Variants in FAM107B observed in about 807,000 individuals in gnomAD.
FAM107B encodes family with sequence similarity 107 member B, also known as protein FAM107B.
In FAM107B, 21 loss-of-function variants were observed where a neutral mutation model predicts 31.5. The ratio of observed to expected loss-of-function variants is 0.67; its 90% confidence interval spans 0.47 to 0.96. FAM107B has a LOEUF of 0.96. FAM107B is among the 40% of genes least tolerant of loss of function. FAM107B has a pLI of 0.00. For missense variants in FAM107B, 452 were observed against 377.1 expected (o/e 1.20, Z -1.64); for synonymous variants, 157 against 141.5 (o/e 1.11, Z -0.78).
intron 1 of FAM107B, among the ~76,000 whole-genome samples, chr10:14,720,214 T>G (rs762810832): frequency 2.0e-5 from 3 of 152,194 alleles, no homozygotes; most frequent in Non-Finnish European, 4.4e-5. Context: ...CCCTTCCAAC[T>G]GGTACTCCTG....
At chr10:14,643,535 G>A (rs555354002) in intron 2 of FAM107B, among the ~76,000 whole-genome samples, 1 of 151,530 alleles carries the variant, frequency 6.6e-6, no homozygotes, top group African/African-American at 2.4e-5. Flanking sequence ...TCAGCCTCCA[G>A]AGCAGATGGG....
At chr10:14,714,049 G>C (rs2131541711) in intron 1 of FAM107B, among the ~76,000 whole-genome samples, 1 of 152,180 alleles carries the variant, frequency 6.6e-6, no homozygotes, top group East Asian at 1.9e-4. Flanking sequence ...GTGGGAGGAA[G>C]GTGAGGATAA....
intron 2 of FAM107B, among the ~76,000 whole-genome samples, chr10:14,630,278 T>TA (rs10525721): frequency 0.42 from 56,253 of 134,364 alleles, 12,328 homozygotes; most frequent in East Asian, 0.8. Context: ...CTACTGATGC[T>TA]AAAAAAAAAA....
intron 2 of FAM107B, among the ~76,000 whole-genome samples, chr10:14,560,760 G>C (rs570772870): frequency 2.2e-4 from 33 of 152,214 alleles, no homozygotes; most frequent in African/African-American, 7.2e-4. Context: ...ACTTAATCAG[G>C]GTGGCTCCTA....
chr10:14,701,059 T>C (rs954092558), intron 1 of FAM107B, among the ~76,000 whole-genome samples: 9 of 152,044 alleles, frequency 5.9e-5, no homozygotes, highest in Non-Finnish European at 1.5e-5. Context: ...TATGGAAGCA[T>C]TGAATGCCTC....
intron 2 of FAM107B, among the ~76,000 whole-genome samples, chr10:14,656,637 C>T (rs1040728451): frequency 4.6e-5 from 7 of 152,222 alleles, no homozygotes; most frequent in Non-Finnish European, 1.0e-4. Flanking sequence ...TAAAGATCAT[C>T]ACTTTACTTC....
intron 1 of FAM107B, among the ~76,000 whole-genome samples, chr10:14,751,828 G>A (rs1024862599): frequency 6.6e-6 from 1 of 152,122 alleles, no homozygotes; most frequent in Non-Finnish European, 1.5e-5. Flanking sequence ...AGGTTGTAAC[G>A]CACCGAGACT....
chr10:14,577,921 G>A lies in FAM107B; in HGVS notation c.470-47406C>T, dbSNP rs1389485535. ...AGCCAGGAAATACATTGAGTTACACGAAGTTTTTTATTAAAGGTGGTATGG... is the reference window on the plus strand; with the variant it reads ...AGCCAGGAAATACATTGAGTTACACAAAGTTTTTTATTAAAGGTGGTATGG... On this transcript the variant is annotated intron_variant, in intron 2 of 4. Transcript: ENST00000181796. Among the ~76,000 whole-genome samples the A allele has an allele frequency of 2.6e-5, 4 of 152,196 alleles. No individual in the cohort carries two copies. In the South Asian group the frequency reaches 8.3e-4, roughly 32 times the overall value.
intron 2 of FAM107B, among the ~76,000 whole-genome samples, chr10:14,583,394 G>A (rs1851717492): frequency 6.6e-6 from 1 of 152,070 alleles, no homozygotes; most frequent in Non-Finnish European, 1.5e-5. Context: ...GCACCTTAGT[G>A]ACAGATGACA....
intron 2 of FAM107B, among the ~76,000 whole-genome samples, chr10:14,548,858 CTG>C (rs1404295277): frequency 1.3e-5 from 2 of 152,116 alleles, no homozygotes; most frequent in African/African-American, 2.4e-5. Flanking sequence ...CGACTGAATG[CTG>C]AGTCCCCCCA....
At chr10:14,569,839 G>C (rs572583518) in intron 2 of FAM107B, among the ~76,000 whole-genome samples, 55 of 152,342 alleles carry the variant, frequency 3.6e-4, no homozygotes, top group African/African-American at 1.3e-3. Context: ...GAGATGGACA[G>C]AGAGCTTCAC....
chr10:14,574,956 C>T (rs1427960683), intron 2 of FAM107B, among the ~76,000 whole-genome samples: 1 of 152,088 alleles, frequency 6.6e-6, no homozygotes, highest in Non-Finnish European at 1.5e-5. Flanking sequence ...TCGGAGAACA[C>T]ACCAGGAAAA....
chr10:14,553,728 T>C (rs1356100933), intron 2 of FAM107B, among the ~76,000 whole-genome samples: 1 of 152,170 alleles, frequency 6.6e-6, no homozygotes, highest in African/African-American at 2.4e-5. Context: ...CTGCCACATA[T>C]CAGCTGGCCT....
At chr10:14,625,653 T>A (rs939395621) in intron 2 of FAM107B, among the ~76,000 whole-genome samples, 5 of 152,146 alleles carry the variant, frequency 3.3e-5, no homozygotes, top group African/African-American at 9.7e-5. Context: ...TTGTTAGAAC[T>A]GAGCTGCGTT....
At chr10:14,656,559 T>C (rs2131456322) in intron 2 of FAM107B, among the ~76,000 whole-genome samples, 1 of 152,306 alleles carries the variant, frequency 6.6e-6, no homozygotes, top group East Asian at 1.9e-4. Context: ...CTTCTTTTTA[T>C]ACCAATGTGG....
At chr10:14,530,101 G>A (rs1030538325) in intron 3 of FAM107B, 22 of 441,862 alleles carry the variant, frequency 5.0e-5, no homozygotes, top group Non-Finnish European at 7.4e-5. Context: ...AAGGGAACCC[G>A]TGACTGCAGG....
chr10:14,523,924 C>CAT (rs1261977745), intron 3 of FAM107B, among the ~76,000 whole-genome samples: 1 of 148,908 alleles, frequency 6.7e-6, no homozygotes, highest in Non-Finnish European at 1.5e-5. Flanking sequence ...TGGAGTGCAG[C>CAT]GGCATGATCT....
At chr10:14,734,488 G>GTGTTTTTTTTTTTTT (rs558940939) in intron 1 of FAM107B, among the ~76,000 whole-genome samples, 1 of 138,562 alleles carries the variant, frequency 7.2e-6, no homozygotes, top group Non-Finnish European at 1.6e-5. Context: ...TTTTTGTGAG[G>GTGTTTTTTTTTTTTT]TTTTTTTTTT....
chr10:14,758,325 C>T (rs889335575), intron 1 of FAM107B, among the ~76,000 whole-genome samples: 1 of 152,178 alleles, frequency 6.6e-6, no homozygotes, highest in Non-Finnish European at 1.5e-5. Flanking sequence ...TAGGATATTT[C>T]ATTGCCTATT....
Sources: allele counts gnomAD v4.1 joint callset (sites outside exome capture counted in the v4.1 genomes callset), GRCh38; gene constraint gnomAD v4.1.1; transcripts MANE v1.5; gene names NCBI Gene and HGNC (gene_info 2026-07-23, HGNC 2026-07-21).